Variants in ARID5B observed in about 807,000 individuals in gnomAD.
ARID5B encodes the protein AT-rich interactive domain-containing protein 5B.
In ARID5B, 13 loss-of-function variants were observed where a neutral mutation model predicts 97.2. The observed-to-expected ratio is 0.13, with a 90% CI of 0.09 to 0.21. The LOEUF is 0.21. ARID5B is among the 10% of genes least tolerant of loss of function. ARID5B has a pLI of 1.00. For missense variants in ARID5B, 1,210 were observed against 1,465.3 expected (o/e 0.83, Z 2.84); for synonymous variants, 556 against 570.3 (o/e 0.97, Z 0.36).
chr10:62,091,386 G>A lies in ARID5B; in HGVS notation c.1923G>A (p.Ala641=), dbSNP rs371667723. Reference sequence around the variant, plus strand: ...TGGGCAGTGACGACATCCACAATGCGCTCAAGCAGACCCCAAAGGTCCTTG... The same window carrying A: ...TGGGCAGTGACGACATCCACAATGCACTCAAGCAGACCCCAAAGGTCCTTG... The part of the protein sequence containing the change: ...DQLGSDDIHN[A]LKQTPKVLVV... The change falls in exon 10 of 10, where the codon GCG becomes GCA. Residue 641 remains alanine, a synonymous_variant. Transcript: ENST00000279873. 1.4e-4 allele frequency: 220 copies of A among 1,614,010 alleles called. 1 individual carries two copies. Among genetic ancestry groups the A allele is most frequent in the South Asian group, 9.9e-4 (90 of 91,062 alleles).
chr10:62,039,003 G>A (rs1374148400), intron 4 of ARID5B, among the ~76,000 whole-genome samples: 1 of 152,230 alleles, frequency 6.6e-6, no homozygotes, highest in African/African-American at 2.4e-5. Context: ...AAGTTATTCT[G>A]AGGGAAAATA....
intron 7 of ARID5B, among the ~76,000 whole-genome samples, chr10:62,063,254 T>A (rs1001904430): frequency 6.6e-6 from 1 of 152,280 alleles, no homozygotes; most frequent in East Asian, 1.9e-4. Context: ...ATTCAGGAGA[T>A]GAGTCAAGAA....
At chr10:61,935,993 G>GA (rs1165368886) in intron 2 of ARID5B, among the ~76,000 whole-genome samples, 2 of 152,150 alleles carry the variant, frequency 1.3e-5, no homozygotes, top group Non-Finnish European at 2.9e-5. Flanking sequence ...GGATGAGAGT[G>GA]AAAAAAGCCA....
chr10:61,971,393 G>T (rs1838624862), intron 3 of ARID5B, among the ~76,000 whole-genome samples: 1 of 152,178 alleles, frequency 6.6e-6, no homozygotes, highest in Admixed American at 6.5e-5. Flanking sequence ...CCAAAAAAAT[G>T]ATTGTTTAAT....
rs745310234 is a variant in ARID5B at position 62,091,500 on chromosome 10, C to T, written c.2037C>T (p.Tyr679=). 2.4e-5 allele frequency: 38 copies of T among 1,613,482 alleles called. No homozygotes were observed. Among genetic ancestry groups the T allele is most frequent in the Non-Finnish European group, 3.1e-5 (37 of 1,179,840 alleles). Residue 679 remains tyrosine (Y), a synonymous_variant, in exon 10 of 10, where the codon TAC becomes TAT. Transcript: ENST00000279873. The stretch of plus-strand genomic sequence containing the variant: ...GACTTAATTACACGCCCCTGCTCTA[C>T]TCTAGGGGCAACCCAGGCATCATGT... ...NHGLNYTPLL[Y]SRGNPGIMSP...
chr10:62,073,055 T>C (rs1840085585), intron 8 of ARID5B, among the ~76,000 whole-genome samples: 1 of 152,250 alleles, frequency 6.6e-6, no homozygotes, highest in African/African-American at 2.4e-5. Flanking sequence ...GAGTTGAGAA[T>C]GGTCAGGACT....
intron 8 of ARID5B, among the ~76,000 whole-genome samples, chr10:62,075,892 T>G (rs1052348751): frequency 6.6e-6 from 1 of 150,712 alleles, no homozygotes; most frequent in East Asian, 1.9e-4. Context: ...ATTTGCCATT[T>G]GATTAACTGT....
At chr10:61,942,514 G>A (rs77935381) in intron 3 of ARID5B, among the ~76,000 whole-genome samples, 2,418 of 152,304 alleles carry the variant, frequency 0.016, 64 homozygotes, top group African/African-American at 0.055. Flanking sequence ...GTTCCTGGCC[G>A]GGTGCGGTGG....
At chr10:62,059,444 GA>G (rs1359134620) in intron 7 of ARID5B, 149 bp downstream of exon 7, 6 of 610,868 alleles carry the variant, frequency 9.8e-6, no homozygotes, top group Non-Finnish European at 1.7e-5. Flanking sequence ...GGCCGCTTTG[GA>G]AACAGTCCCA....
intron 2 of ARID5B, among the ~76,000 whole-genome samples, chr10:61,922,368 C>G (rs773122225): frequency 5.3e-5 from 8 of 152,176 alleles, no homozygotes; most frequent in African/African-American, 9.6e-5. Flanking sequence ...TTTGGGAGGC[C>G]AAGGCGGGTG....
chr10:62,080,795 AG>A (rs1564646428), intron 8 of ARID5B, among the ~76,000 whole-genome samples: 1 of 152,026 alleles, frequency 6.6e-6, no homozygotes, highest in African/African-American at 2.4e-5. Context: ...ACAAAAAAAA[AG>A]CCTAATAGTA....
intron 3 of ARID5B, among the ~76,000 whole-genome samples, chr10:61,956,126 T>C (rs1838388049): frequency 1.3e-5 from 2 of 152,214 alleles, no homozygotes; most frequent in African/African-American, 4.8e-5. Flanking sequence ...GGCTGTGGAC[T>C]GGTACTAGCC....
In ARID5B at chr10:61,916,268, GC is replaced by G. The variant is rs200099537; in HGVS notation, c.276+13856del. ...GATGGGGTTTTGCCATGTTGGCCAG[GC>G]TGGACTACCTGTTTCTGTAAATAAA... is the stretch of plus-strand genomic sequence containing the variant. On this transcript the variant is annotated intron_variant, in intron 2 of 9. Coordinates refer to ENST00000279873, the MANE Select transcript of ARID5B (RefSeq NM_032199.3). 6.4e-3 allele frequency among the ~76,000 whole-genome samples: 980 copies of G among 152,228 alleles called. 4 individuals are homozygous for G. Among genetic ancestry groups the G allele is most frequent in the Middle Eastern group, 0.02 (6 of 294 alleles).
chr10:61,951,264 G>T (rs982044587), intron 3 of ARID5B, among the ~76,000 whole-genome samples: 1 of 152,210 alleles, frequency 6.6e-6, no homozygotes, highest in Non-Finnish European at 1.5e-5. Context: ...AGTAGGGGCT[G>T]AGCAAATAGT....
intron 7 of ARID5B, among the ~76,000 whole-genome samples, chr10:62,062,052 A>G (rs942230693): frequency 6.6e-6 from 1 of 152,146 alleles, no homozygotes; most frequent in Non-Finnish European, 1.5e-5. Flanking sequence ...CCACTATTCT[A>G]CATTTAAGCT....
intron 3 of ARID5B, among the ~76,000 whole-genome samples, chr10:61,989,688 G>A (rs1365266040): frequency 1.3e-5 from 2 of 152,170 alleles, no homozygotes; most frequent in African/African-American, 2.4e-5. Context: ...GCCTTGCCGT[G>A]CATTCCAGCT....
chr10:62,034,531 T>C (rs1839537472), intron 4 of ARID5B, among the ~76,000 whole-genome samples: 1 of 152,380 alleles, frequency 6.6e-6, no homozygotes, highest in East Asian at 1.9e-4. Flanking sequence ...ATATATGTAA[T>C]TTTGTGTTAA....
At chr10:62,081,230 C>T (rs1021130879) in intron 8 of ARID5B, among the ~76,000 whole-genome samples, 1 of 152,238 alleles carries the variant, frequency 6.6e-6, no homozygotes, top group Non-Finnish European at 1.5e-5. Context: ...CCATAAAGTG[C>T]CTATGCAGTA....
intron 3 of ARID5B, among the ~76,000 whole-genome samples, chr10:61,940,757 C>A (rs1844385259): frequency 6.6e-6 from 1 of 150,774 alleles, no homozygotes; most frequent in Non-Finnish European, 1.5e-5. Flanking sequence ...CATCTATTAA[C>A]ACCATGTCCC....
Sources: allele counts gnomAD v4.1 joint callset (sites outside exome capture counted in the v4.1 genomes callset), GRCh38; gene constraint gnomAD v4.1.1; transcripts MANE v1.5; gene names NCBI Gene and HGNC (gene_info 2026-07-23, HGNC 2026-07-21).